EPS15L1: variants seen among roughly 807,000 people sequenced by gnomAD.
The protein encoded by EPS15L1 is epidermal growth factor receptor pathway substrate 15 like 1.
In EPS15L1, 43 loss-of-function variants were observed where a neutral mutation model predicts 117.1. The observed-to-expected ratio is 0.37, with a 90% confidence interval of 0.29 to 0.47. The LOEUF is 0.47. Among genes scored for constraint, EPS15L1 ranks in the 20% least tolerant of loss-of-function variants. The pLI is 0.99. For synonymous variants in EPS15L1, 459 were observed against 470.5 expected (o/e 0.98, Z 0.32); for missense variants, 981 against 1,164.0 (o/e 0.84, Z 2.29).
intron 8 of EPS15L1, among the ~76,000 whole-genome samples, chr19:16,425,691 G>A (rs1328405870): frequency 2.6e-5 from 4 of 152,184 alleles, no homozygotes; most frequent in Non-Finnish European, 5.9e-5. Context: ...AGTAGTCCCA[G>A]CTACTTGGGA....
At chr19:16,414,590 G>A (rs1437040149) in intron 12 of EPS15L1, among the ~76,000 whole-genome samples, 3 of 152,018 alleles carry the variant, frequency 2.0e-5, no homozygotes, top group South Asian at 2.1e-4. Flanking sequence ...CAGTAGAGAC[G>A]GGGTTTCGCT....
intron 1 of EPS15L1, among the ~76,000 whole-genome samples, chr19:16,465,078 C>CA (rs879397946): frequency 0.067 from 6,961 of 104,652 alleles, 299 homozygotes; most frequent in Admixed American, 0.14. Context: ...GACTTAGTCT[C>CA]AAAAAAAAAA....
chr19:16,379,923 A>G (rs1298717512), intron 21 of EPS15L1, among the ~76,000 whole-genome samples: 1 of 152,168 alleles, frequency 6.6e-6, no homozygotes, highest in African/African-American at 2.4e-5. Flanking sequence ...AGTCACACAG[A>G]CACGGCCATC....
At chr19:16,451,036 C>T (rs527580289) in intron 1 of EPS15L1, among the ~76,000 whole-genome samples, 56 of 152,064 alleles carry the variant, frequency 3.7e-4, no homozygotes, top group East Asian at 3.3e-3. Flanking sequence ...CTACAACCTC[C>T]GCCTCCCAGG....
chr19:16,359,426 T>C (rs2092023039), intron 23 of EPS15L1, among the ~76,000 whole-genome samples: 1 of 152,152 alleles, frequency 6.6e-6, no homozygotes, highest in Admixed American at 6.5e-5. Flanking sequence ...TTTTAGACAA[T>C]GATACGACCC....
At position 16,404,550 on chromosome 19, in the gene EPS15L1, G is replaced by A. The variant is rs186865512; in HGVS notation, c.1428+38C>T. ...GGGAGTCCTTGGGAAGCCCCTGCCT[G>A]TGCATAGGGCGCTGCCCCGGAGGTG... On this transcript the variant is annotated intron_variant, in intron 14 of 23. Transcript: ENST00000455140. The surrounding 1 kb of genome is among the most constrained non-coding windows in gnomAD (Gnocchi z 4.2). 3.7e-4 allele frequency: 601 copies of A among 1,610,986 alleles called. 1 individual carries two copies. In the African/African-American group the frequency reaches 7.3e-3, roughly 20 times the overall value.
intron 9 of EPS15L1, 78 bp downstream of exon 9, chr19:16,425,005 G>A (rs2144969848): frequency 3.3e-6 from 4 of 1,222,344 alleles, no homozygotes; most frequent in Non-Finnish European, 4.9e-6. Flanking sequence ...TGACCGTTCT[G>A]GGGTTGCATG....
In EPS15L1 at chr19:16,393,942, G is replaced by C. The variant is rs745599467; in HGVS notation, c.1966+9C>G. 1 of 1,613,916 alleles carries C rather than the reference G, an allele frequency of 6.2e-7. No individual in the cohort carries two copies. Among genetic ancestry groups the C allele is most frequent in the Middle Eastern group, 1.7e-4 (1 of 6,060 alleles). On this transcript the variant is annotated intron_variant, in intron 18 of 23. Transcript: ENST00000455140. The stretch of plus-strand genomic sequence containing the variant: ...TCTAAAGACCGGTCCGGGAAACACT[G>C]AATTTTACCTGTTGAAGTTGTCTGC...
rs769881864 is a variant in EPS15L1, at chr19:16,403,729, G to A, written c.1626+4C>T. On this transcript the variant is annotated splice_donor_region_variant and intron_variant, in intron 15 of 23. Transcript: ENST00000455140. ...TGTGGCAGGGACCCGACTCCGTGAA[G>A]TACCTGGTTGATTTCGTCTTGCGTT... The A allele has an allele frequency of 1.2e-6, 2 of 1,611,464 alleles. No individual in the cohort carries two copies. The highest frequency in any genetic ancestry group is 1.7e-6 in the Non-Finnish European group (2 of 1,179,960).
intron 15 of EPS15L1, among the ~76,000 whole-genome samples, chr19:16,402,715 C>T (rs1248064525): frequency 2.1e-3 from 1 of 466 alleles, no homozygotes; most frequent in African/African-American, 0.013. Context: ...TTTTGGGCAA[C>T]AAACCAAGAC....
rs543178600 is a variant in EPS15L1 at position 16,417,685 on chromosome 19, A to C, written c.1108-48T>G. 1.3e-5 allele frequency: 20 copies of C among 1,487,006 alleles called. No individual in the cohort carries two copies. In the South Asian group the frequency reaches 2.3e-4, roughly 17 times the overall value. The allele number at this position is 1,487,006 out of a possible 1,614,324, so 92.1% of individuals were successfully genotyped here. ...GATCTCTAATTAGCAACCTGACATC[A>C]CCTGACAGGAGGCACCAGCAGTTCT... On this transcript the variant is annotated intron_variant, in intron 11 of 23. Coordinates refer to ENST00000455140, the MANE Select transcript of EPS15L1 (RefSeq NM_001258374.3).
At chr19:16,412,987 T>TG (rs2092722210) in intron 13 of EPS15L1, 4 of 680,638 alleles carry the variant, frequency 5.9e-6, no homozygotes, top group South Asian at 1.5e-5. Context: ...GACTTTTGCC[T>TG]GGGGGGCTCT....
rs957659478 is a variant in EPS15L1, at chr19:16,471,924, G to A, written c.22C>T (p.Leu8Phe). The A allele has an allele frequency of 1.5e-5, 20 of 1,298,582 alleles. No individual in the cohort carries two copies. The highest frequency in any genetic ancestry group is 2.9e-4 in the Middle Eastern group (1 of 3,406). 80.4% of individuals were successfully genotyped at this position (1,298,582 alleles called of 1,614,324 possible). The change falls in exon 1 of 24, where the codon CTC becomes TTC. Residue 8 changes from leucine to phenylalanine, a missense_variant. Transcript: ENST00000455140. The surrounding 1 kb of genome is among the most constrained non-coding windows in gnomAD (Gnocchi z 4.8). The stretch of plus-strand genomic sequence containing the variant: ...CGCCCGGCCCGTACCTGCTGGGAGA[G>A]GGGGATGAGCGGCGCCGCCATCTTC... The part of the protein sequence containing the change: MAAPLIP[L>F]SQQIPTGNSL...
At chr19:16,391,332 A>T (rs2092471941) in intron 19 of EPS15L1, among the ~76,000 whole-genome samples, 1 of 152,234 alleles carries the variant, frequency 6.6e-6, no homozygotes, top group African/African-American at 2.4e-5. Flanking sequence ...GATCACCAAT[A>T]CCAGGAATGC....
At chr19:16,470,219 TA>T (rs34482179) in intron 1 of EPS15L1, among the ~76,000 whole-genome samples, 14 of 147,966 alleles carry the variant, frequency 9.5e-5, no homozygotes, top group African/African-American at 1.5e-4. Flanking sequence ...CCGTCTCCAC[TA>T]AAAAAAAAAT....
chr19:16,419,300 A>G (rs895359535), intron 10 of EPS15L1, among the ~76,000 whole-genome samples: 1 of 152,178 alleles, frequency 6.6e-6, no homozygotes, highest in Non-Finnish European at 1.5e-5. Flanking sequence ...CTCTACTAAA[A>G]ATACAAAAAT....
chr19:16,385,298 G>T, intron 20 of EPS15L1, 87 bp from the exon 21 acceptor site: 1 of 1,087,726 alleles, frequency 9.2e-7, no homozygotes, highest in Non-Finnish European at 1.4e-6. Flanking sequence ...GATGGCCCCT[G>T]AACCAGGAGA....
intron 1 of EPS15L1, among the ~76,000 whole-genome samples, chr19:16,468,846 T>C (rs1294553129): frequency 6.6e-6 from 1 of 152,070 alleles, no homozygotes; most frequent in Admixed American, 6.6e-5. Context: ...ACTTCATCTC[T>C]TCAAAAAAAA....
chr19:16,470,557 C>T (rs559979633), intron 1 of EPS15L1, among the ~76,000 whole-genome samples: 19 of 138,624 alleles, frequency 1.4e-4, no homozygotes, highest in African/African-American at 4.8e-4. Context: ...GCTATTAACA[C>T]CTATTATCGG....
Sources: gnomAD v4.1 joint callset for allele counts (sites outside exome capture counted in the v4.1 genomes callset) on GRCh38, gnomAD v4.1.1 for gene constraint, Gnocchi (gnomAD v3.1) non-coding constraint, MANE v1.5 for transcripts, NCBI Gene and HGNC (gene_info 2026-07-23, HGNC 2026-07-21) for gene names.